The following ATP6V0C variants were observed in gnomAD, a reference collection of about 807,000 sequenced individuals.
The protein encoded by ATP6V0C is ATPase H+ transporting V0 subunit c.
Under a neutral mutation model 10.6 loss-of-function variants are expected in ATP6V0C, and 2 were observed. The ratio of observed to expected loss-of-function variants is 0.19; its 90% CI spans 0.08 to 0.59. The LOEUF (loss-of-function observed/expected upper bound fraction) is 0.59. Ranked by LOEUF, ATP6V0C falls within the 20% of genes least tolerant of loss-of-function variation. The probability of loss-of-function intolerance (pLI) is 0.90; values close to 1 mark genes in which losing one functional copy is unlikely to be tolerated. For missense variants in ATP6V0C, 89 were observed against 225.9 expected, an observed-to-expected ratio of 0.39 and a Z score of 3.88; for synonymous variants, 128 against 101.3, an observed-to-expected ratio of 1.26 and a Z score of -1.59.
rs967118892 is a variant in ATP6V0C at position 2,514,001 on chromosome 16, C to T, written c.-103C>T. Reference sequence around the variant, plus strand: ...CGCAGCGGCTGACGGGCCGGATCGCCTTCGCCGCCGCCCGCCCGCAAACCT... The same window carrying T: ...CGCAGCGGCTGACGGGCCGGATCGCTTTCGCCGCCGCCCGCCCGCAAACCT... On this transcript the variant is annotated 5_prime_UTR_variant, in exon 1 of 3. Transcript: ENST00000330398. 20 of 1,114,026 alleles carry T rather than the reference C, an allele frequency of 1.8e-5. No individual in the cohort carries two copies. In the Admixed American group the frequency reaches 2.7e-4, roughly 15 times the overall value. 69.0% of individuals were successfully genotyped at this position (1,114,026 alleles called of 1,614,324 possible). A position where few individuals can be genotyped will look rare whatever the true frequency, so the allele number is the denominator to read the frequency against.
intron 2 of ATP6V0C, 26 bp from the exon 3 acceptor site, chr16:2,519,515 T>C (rs2065897455): frequency 6.5e-7 from 1 of 1,544,272 alleles, no homozygotes; most frequent in African/African-American, 1.4e-5. Context: ...AGGCTGCTGA[T>C]GTCAGTCCTC....
In ATP6V0C at chr16:2,520,154, G is replaced by GC. The variant is rs2065904681; in HGVS notation, c.*411dup. On this transcript the variant is annotated 3_prime_UTR_variant, in exon 3 of 3. Transcript: ENST00000330398. ...CTGTTGCTGAGACTTCCTGGATGGAGCCGCCCTCACCGCCGGGCCCGTGGC... is the reference window on the plus strand; with the variant it reads ...CTGTTGCTGAGACTTCCTGGATGGAGCCCGCCCTCACCGCCGGGCCCGTGGC... The GC allele has an allele frequency of 3.8e-6, 2 of 531,680 alleles. No individual in the cohort carries two copies. Among genetic ancestry groups the GC allele is most frequent in the East Asian group, 7.3e-5 (2 of 27,228 alleles). 32.9% of individuals were successfully genotyped at this position (531,680 alleles called of 1,614,324 possible).
In ATP6V0C at chr16:2,514,040, G is replaced by T. The variant is rs915025195; in HGVS notation, c.-64G>T. 43 of 1,459,140 alleles carry T rather than the reference G, an allele frequency of 2.9e-5. No homozygotes were observed. The highest frequency in any genetic ancestry group is 3.8e-5 in the Non-Finnish European group (41 of 1,076,870). 90.4% of individuals were successfully genotyped at this position (1,459,140 alleles called of 1,614,324 possible). A position where few individuals can be genotyped will look rare whatever the true frequency, so the allele number is the denominator to read the frequency against. ...GCCCGCAAACCTTCGTGCCCGGCCC[G>T]TCCTCGCCCCCGCCTCCGCCACCGC... On this transcript the variant is annotated 5_prime_UTR_variant, in exon 1 of 3. Transcript: ENST00000330398.
In ATP6V0C at chr16:2,519,839, C is replaced by T; in HGVS notation, c.*94C>T. On this transcript the variant is annotated 3_prime_UTR_variant, in exon 3 of 3. Transcript: ENST00000330398. ...GCCTGACACATACGCACGGGGCCGC[C>T]GCCCCCAGTAGTTGGTCTTGTACAT... is the stretch of plus-strand genomic sequence containing the variant. 1.3e-6 allele frequency: 2 copies of T among 1,491,098 alleles called. No individual in the cohort carries two copies. The highest frequency in any genetic ancestry group is 9.3e-7 in the Non-Finnish European group (1 of 1,078,470). The allele number at this position is 1,491,098 out of a possible 1,614,324, so 92.4% of individuals were successfully genotyped here.
chr16:2,515,720 A>G (rs970944528), intron 1 of ATP6V0C, among the ~76,000 whole-genome samples: 22 of 152,154 alleles, frequency 1.4e-4, no homozygotes, highest in Non-Finnish European at 3.1e-4. Context: ...CCTGTGGGGT[A>G]TTAGCTTGTG....
chr16:2,517,751 G>C (rs867800453), intron 1 of ATP6V0C: 52 of 144,220 alleles, frequency 3.6e-4, no homozygotes, highest in Admixed American at 1.5e-3. Context: ...GTGTGTGTGT[G>C]TGTCTGTCAG....
At chr16:2,515,304 T>G (rs932062924) in intron 1 of ATP6V0C, among the ~76,000 whole-genome samples, 4 of 152,066 alleles carry the variant, frequency 2.6e-5, no homozygotes, top group Non-Finnish European at 5.9e-5. Context: ...GATTTCCGCC[T>G]CCGTGGTTAG....
Position 2,519,787 on chromosome 16 carries a change from C to G in ATP6V0C, c.*42C>G. On this transcript the variant is annotated 3_prime_UTR_variant, in exon 3 of 3. Coordinates refer to ENST00000330398, the MANE Select transcript of ATP6V0C (RefSeq NM_001694.4). ...CCAGCCACAGAATATTATGTAAAGA[C>G]CACCCCTCCTCATTCCAGAACGAAC... 6.3e-7 allele frequency: 1 copy of G among 1,581,706 alleles called. No individual in the cohort carries two copies. The highest frequency in any genetic ancestry group is 8.6e-7 in the Non-Finnish European group (1 of 1,157,026).
rs1225318977 is a variant in ATP6V0C, at chr16:2,520,029, GATGTTTATTT to G, written c.*287_*296del. ...TTAGAATTGTCATTTCTCTTTACTG[GATGTTTATTT>G]ATAAAGATCTGGCCTGTTCCTGCGT... On this transcript the variant is annotated 3_prime_UTR_variant, in exon 3 of 3. Coordinates refer to ENST00000330398, the MANE Select transcript of ATP6V0C (RefSeq NM_001694.4). 2 of 670,992 alleles carry G rather than the reference GATGTTTATTT, an allele frequency of 3.0e-6. No homozygotes were observed. The highest frequency in any genetic ancestry group is 5.5e-6 in the Non-Finnish European group (2 of 366,552). 41.6% of individuals were successfully genotyped at this position (670,992 alleles called of 1,614,324 possible).
At position 2,513,966 on chromosome 16, in the gene ATP6V0C, G is replaced by C. The variant is rs2065863017; in HGVS notation, c.-138G>C. ...GCCGCCATTTTGTTCTGCGGTGCTG[G>C]TATTTAGAGCGCAGCGGCTGACGGG... On this transcript the variant is annotated 5_prime_UTR_variant, in exon 1 of 3. Coordinates refer to ENST00000330398, the MANE Select transcript of ATP6V0C (RefSeq NM_001694.4). 14 of 731,234 alleles carry C rather than the reference G, an allele frequency of 1.9e-5. 1 individual carries two copies. Among genetic ancestry groups the C allele is most frequent in the Middle Eastern group, 4.0e-4 (1 of 2,502 alleles). 45.3% of individuals were successfully genotyped at this position (731,234 alleles called of 1,614,324 possible).
In ATP6V0C at chr16:2,513,958, C is replaced by T; in HGVS notation, c.-146C>T. ...CGGCCGCGGCCGCCATTTTGTTCTG[C>T]GGTGCTGGTATTTAGAGCGCAGCGG... On this transcript the variant is annotated 5_prime_UTR_variant, in exon 1 of 3. Coordinates refer to ENST00000330398, the MANE Select transcript of ATP6V0C (RefSeq NM_001694.4). 1.5e-6 allele frequency: 1 copy of T among 670,372 alleles called. No individual in the cohort carries two copies. The highest frequency in any genetic ancestry group is 2.4e-6 in the Non-Finnish European group (1 of 411,068). 41.5% of individuals were successfully genotyped at this position (670,372 alleles called of 1,614,324 possible).
At chr16:2,517,594 G>A (rs2065882912) in intron 1 of ATP6V0C, 1 of 152,276 alleles carries the variant, frequency 6.6e-6, no homozygotes, top group East Asian at 1.9e-4. Flanking sequence ...TGAGTGCTGG[G>A]ACACAGGGTA....
At chr16:2,515,997 A>G (rs2065875263) in intron 1 of ATP6V0C, among the ~76,000 whole-genome samples, 1 of 151,732 alleles carries the variant, frequency 6.6e-6, no homozygotes, top group African/African-American at 2.4e-5. Context: ...TTGCTGGCCT[A>G]GGCCTTTCCT....
At chr16:2,516,491 GC>G (rs1424981191) in intron 1 of ATP6V0C, among the ~76,000 whole-genome samples, 1 of 152,082 alleles carries the variant, frequency 6.6e-6, no homozygotes, top group African/African-American at 2.4e-5. Context: ...ACCTAAACAA[GC>G]CCCCTGCCCT....
intron 1 of ATP6V0C, chr16:2,517,684 C>T (rs1434363455): frequency 2.0e-5 from 3 of 151,760 alleles, no homozygotes; most frequent in Admixed American, 6.6e-5. Context: ...CCACCTCTGA[C>T]ATATGTAGTC....
At chr16:2,514,233 A>C (rs1319032406) in intron 1 of ATP6V0C, 51 bp downstream of exon 1, 8 of 1,489,764 alleles carry the variant, frequency 5.4e-6, no homozygotes, top group South Asian at 1.3e-5. Flanking sequence ...CGCGTTGCTC[A>C]TGCCCGCAGC....
rs2065895727 is a variant in ATP6V0C at position 2,519,348 on chromosome 16, G to A, written c.210G>A (p.Leu70=). 1.2e-6 allele frequency: 2 copies of A among 1,614,164 alleles called. No individual in the cohort carries two copies. Among genetic ancestry groups the A allele is most frequent in the South Asian group, 1.1e-5 (1 of 91,086 alleles). ...VMAGIIAIYG[L]VVAVLIANSL... Reference sequence around the variant, plus strand: ...CTGGCATCATCGCCATCTACGGCCTGGTGGTGGCAGTCCTCATCGCCAACT... The same window carrying A: ...CTGGCATCATCGCCATCTACGGCCTAGTGGTGGCAGTCCTCATCGCCAACT... Residue 70 remains leucine (L), a synonymous_variant, in exon 2 of 3, where the codon CTG becomes CTA. Transcript: ENST00000330398.
Position 2,519,495 on chromosome 16 carries a change from C to T in ATP6V0C, c.264-46C>T, listed in dbSNP as rs766793344. Reference sequence around the variant, plus strand: ...GTGGTGACCCGGACCCTTGTCTCCCCCTGGTTGGCAGGCTGCTGATGTCAG... The same window carrying T: ...GTGGTGACCCGGACCCTTGTCTCCCTCTGGTTGGCAGGCTGCTGATGTCAG... On this transcript the variant is annotated intron_variant, in intron 2 of 2. Coordinates refer to ENST00000330398, the MANE Select transcript of ATP6V0C (RefSeq NM_001694.4). 6.5e-6 allele frequency: 10 copies of T among 1,543,400 alleles called. No individual in the cohort carries two copies. In the East Asian group the frequency reaches 1.1e-4, roughly 17 times the overall value.
intron 1 of ATP6V0C, 79 bp downstream of exon 1, chr16:2,514,261 GTGACGTCACTC>G (rs1377536303): frequency 2.1e-6 from 3 of 1,423,570 alleles, no homozygotes; most frequent in Non-Finnish European, 2.8e-6. Context: ...GGTCCGGTGT[GTGACGTCACTC>G]TGACGTAATC....
Sources: allele counts gnomAD v4.1 joint callset (sites outside exome capture counted in the v4.1 genomes callset), GRCh38; gene constraint gnomAD v4.1.1; transcripts MANE v1.5; gene names NCBI Gene and HGNC (gene_info 2026-07-23, HGNC 2026-07-21).